Variants in ZFYVE9 observed in about 807,000 individuals in gnomAD.
ZFYVE9 encodes the protein zinc finger FYVE-type containing 9, also known as zinc finger FYVE domain-containing protein 9.
A neutral mutation model predicts 126.7 loss-of-function variants in ZFYVE9; 43 were observed. That is an observed-to-expected ratio of 0.34 (90% confidence interval 0.27 to 0.44). The LOEUF (loss-of-function observed/expected upper bound fraction) is 0.44, where lower values mean the gene tolerates loss of function less well. ZFYVE9 is among the 20% of genes least tolerant of loss of function. The pLI is 1.00. For synonymous variants in ZFYVE9, 521 were observed against 597.4 expected (o/e 0.87, Z 1.87); for missense variants, 1,476 against 1,697.0 (o/e 0.87, Z 2.29).
At chr1:52,214,370 T>G (rs1645053670) in intron 1 of ZFYVE9, among the ~76,000 whole-genome samples, 1 of 152,122 alleles carries the variant, frequency 6.6e-6, no homozygotes, top group Non-Finnish European at 1.5e-5. Context: ...GAGGTTGCAG[T>G]GAGCCAAGAT....
At chr1:52,180,026 T>TGAG in intron 1 of ZFYVE9, 1 of 846,470 alleles carries the variant, frequency 1.2e-6, no homozygotes, top group Non-Finnish European at 2.1e-6. Flanking sequence ...ACAAGTTTAA[T>TGAG]GAGGAGGATG....
intron 1 of ZFYVE9, among the ~76,000 whole-genome samples, chr1:52,163,396 G>T (rs1644481405): frequency 6.6e-6 from 1 of 152,176 alleles, no homozygotes; most frequent in Non-Finnish European, 1.5e-5. Context: ...TAATCAACCT[G>T]CTGACCAAAC....
chr1:52,333,377 A>G (rs191439299), intron 14 of ZFYVE9, among the ~76,000 whole-genome samples: 27 of 152,124 alleles, frequency 1.8e-4, no homozygotes, highest in South Asian at 6.2e-4. Context: ...TAATGAGAGT[A>G]TGTTTAGGTA....
chr1:52,162,042 C>T (rs1644465284), intron 1 of ZFYVE9: 1 of 144,234 alleles, frequency 6.9e-6, no homozygotes, highest in Non-Finnish European at 1.5e-5. Context: ...AATGTAGATA[C>T]TAAATAAACC....
At chr1:52,268,797 C>G (rs1237892231) in intron 7 of ZFYVE9, among the ~76,000 whole-genome samples, 165 bp downstream of exon 7, 2 of 152,186 alleles carry the variant, frequency 1.3e-5, no homozygotes, top group African/African-American at 2.4e-5. Context: ...AGCTGCTGTT[C>G]TTTGCTGTAT....
chr1:52,215,125 A>G (rs972681977), intron 1 of ZFYVE9, among the ~76,000 whole-genome samples: 1 of 152,216 alleles, frequency 6.6e-6, no homozygotes, highest in Non-Finnish European at 1.5e-5. Flanking sequence ...TTGACCTTGA[A>G]TCTATAGAGT....
In ZFYVE9 at chr1:52,278,493, C is replaced by T. The variant is rs764513346; in HGVS notation, c.2748C>T (p.Asp916=). 3.1e-6 allele frequency: 5 copies of T among 1,613,962 alleles called. No homozygotes were observed. The African/African-American group carries it at 6.7e-5, about 22-fold the overall frequency. ...TTACATTGTTTTCTCCCCTTTCAGACTATGCTGTGGAAGAGAAACCATCAC... is the reference window on the plus strand; with the variant it reads ...TTACATTGTTTTCTCCCCTTTCAGATTATGCTGTGGAAGAGAAACCATCAC... The part of the protein sequence containing the change: ...PILISTGVKG[D]YAVEEKPSQI... Residue 916 remains aspartate, a splice_region_variant and synonymous_variant, in exon 9 of 19, where the codon GAC becomes GAT. Coordinates refer to ENST00000287727, the MANE Select transcript of ZFYVE9 (RefSeq NM_004799.4).
rs758342320 is a variant in ZFYVE9, at chr1:52,238,915, G to T, written c.1498G>T (p.Asp500Tyr). The change falls in exon 4 of 19, where the codon GAT becomes TAT. Residue 500 changes from aspartate (D) to tyrosine (Y), a missense_variant. Coordinates refer to ENST00000287727, the MANE Select transcript of ZFYVE9 (RefSeq NM_004799.4). ...TCCAAAGACTTTACCCTCCAAAGAAGATTCAGTAACAGAAGAAAAAGAAAT... is the reference window on the plus strand; with the variant it reads ...TCCAAAGACTTTACCCTCCAAAGAATATTCAGTAACAGAAGAAAAAGAAAT... ...FVPKTLPSKE[D>Y]SVTEEKEIEE... 1.2e-6 allele frequency: 2 copies of T among 1,613,892 alleles called. No homozygotes were observed. The highest frequency in any genetic ancestry group is 1.1e-5 in the South Asian group (1 of 91,060).
At chr1:52,214,834 G>C (rs897383707) in intron 1 of ZFYVE9, among the ~76,000 whole-genome samples, 4 of 152,170 alleles carry the variant, frequency 2.6e-5, no homozygotes, top group Admixed American at 1.3e-4. Context: ...TGAGGGCAGA[G>C]GATTGATGTC....
At chr1:52,276,108 A>G (rs575902958) in intron 8 of ZFYVE9, among the ~76,000 whole-genome samples, 1 of 151,936 alleles carries the variant, frequency 6.6e-6, no homozygotes, top group East Asian at 1.9e-4. Context: ...GGGTTTCACT[A>G]TGTTGACCAG....
rs538828091 is a variant in ZFYVE9, at chr1:52,188,490, A to T, written c.-142-27879A>T. Among the ~76,000 whole-genome samples, 9 of 152,364 alleles carry T rather than the reference A, an allele frequency of 5.9e-5. No homozygotes were observed. The South Asian group carries it at 1.0e-3, about 18-fold the overall frequency. On this transcript the variant is annotated intron_variant, in intron 1 of 18. Coordinates refer to ENST00000287727, the MANE Select transcript of ZFYVE9 (RefSeq NM_004799.4). ...CTGAACCTAAAATATAAGTTAAAAA[A>T]TTTTTAAAATAAAATTGCCTAGTTT...
chr1:52,165,566 G>A, intron 1 of ZFYVE9, among the ~76,000 whole-genome samples: 1 of 152,144 alleles, frequency 6.6e-6, no homozygotes, highest in East Asian at 1.9e-4. Context: ...ACTGAGAATA[G>A]GTAAATGGGA....
chr1:52,194,376 A>G (rs1644842226), intron 1 of ZFYVE9, among the ~76,000 whole-genome samples: 2 of 151,998 alleles, frequency 1.3e-5, no homozygotes, highest in African/African-American at 4.8e-5. Context: ...AGACCTTCAT[A>G]TAAAAAAAAA....
chr1:52,216,464 A>G lies in ZFYVE9; in HGVS notation c.-47A>G, dbSNP rs1205520559. 6 of 398,372 alleles carry G rather than the reference A, an allele frequency of 1.5e-5. No individual in the cohort carries two copies. In the East Asian group the frequency reaches 2.1e-4, roughly 14 times the overall value. The allele number at this position is 398,372 out of a possible 1,614,324, so 24.7% of individuals were successfully genotyped here. A position where few individuals can be genotyped will look rare whatever the true frequency, so the allele number is the denominator to read the frequency against. ...AAGTCTGTTCCTTATCACGTGTGTA[A>G]GGGGAAAAAGGTAAGAAAATGTTTT... On this transcript the variant is annotated 5_prime_UTR_variant, in exon 2 of 19. An upstream open reading frame in the 5' UTR loses its in-frame stop. Coordinates refer to ENST00000287727, the MANE Select transcript of ZFYVE9 (RefSeq NM_004799.4).
intron 1 of ZFYVE9, chr1:52,180,258 C>A (rs1210326219): frequency 1.9e-6 from 3 of 1,602,200 alleles, no homozygotes; most frequent in Non-Finnish European, 2.6e-6. Context: ...CAGGAAGTTT[C>A]CTGATGTCAA....
chr1:52,307,536 C>T (rs1178046934), intron 13 of ZFYVE9, among the ~76,000 whole-genome samples: 1 of 152,130 alleles, frequency 6.6e-6, no homozygotes, highest in Non-Finnish European at 1.5e-5. Context: ...TGCGTTCAGC[C>T]CCCATAGTTA....
At chr1:52,295,084 T>C (rs900803710) in intron 11 of ZFYVE9, among the ~76,000 whole-genome samples, 1 of 152,120 alleles carries the variant, frequency 6.6e-6, no homozygotes, top group African/African-American at 2.4e-5. Flanking sequence ...GGCGCATGCC[T>C]GTAATTCCAG....
intron 1 of ZFYVE9, among the ~76,000 whole-genome samples, chr1:52,203,143 ATTCTT>A (rs1644939966): frequency 6.6e-6 from 1 of 150,954 alleles, no homozygotes; most frequent in Non-Finnish European, 1.5e-5. Context: ...ATTAGTTGTA[ATTCTT>A]TTCTTTACTC....
chr1:52,171,513 C>A (rs1473640334), intron 1 of ZFYVE9, among the ~76,000 whole-genome samples: 1 of 152,096 alleles, frequency 6.6e-6, no homozygotes, highest in Admixed American at 6.5e-5. Flanking sequence ...GGGTATATAC[C>A]CAGTAATGGG....
Sources: gnomAD v4.1 joint callset for allele counts (sites outside exome capture counted in the v4.1 genomes callset) on GRCh38, gnomAD v4.1.1 for gene constraint, MANE v1.5 for transcripts, NCBI Gene and HGNC (gene_info 2026-07-23, HGNC 2026-07-21) for gene names.